Variants in EDIL3 observed in about 807,000 individuals in gnomAD.
EDIL3 encodes EGF-like repeat and discoidin I-like domain-containing protein 3.
In EDIL3, 37 loss-of-function variants were observed where a neutral mutation model predicts 67.4. The ratio of observed to expected loss-of-function variants is 0.55; its 90% confidence interval spans 0.42 to 0.72. The LOEUF (loss-of-function observed/expected upper bound fraction) is 0.72. Among genes scored for constraint, EDIL3 ranks in the 30% least tolerant of loss-of-function variants. EDIL3 has a pLI of 0.00. For synonymous variants in EDIL3, 195 were observed against 196.3 expected, an observed-to-expected ratio of 0.99 and a Z score of 0.05; for missense variants, 527 against 586.3, an observed-to-expected ratio of 0.90 and a Z score of 1.04.
At chr5:84,136,433 A>G (rs891285457) in intron 5 of EDIL3, among the ~76,000 whole-genome samples, 4 of 152,144 alleles carry the variant, frequency 2.6e-5, no homozygotes, top group African/African-American at 9.7e-5. Context: ...TTTAGGCCCC[A>G]TCCCATTGAC....
chr5:84,332,857 G>A (rs1374345947), intron 1 of EDIL3, among the ~76,000 whole-genome samples: 1 of 152,108 alleles, frequency 6.6e-6, no homozygotes, highest in Non-Finnish European at 1.5e-5. Flanking sequence ...ATCATAATAG[G>A]TCCCCACTTG....
intron 9 of EDIL3, among the ~76,000 whole-genome samples, chr5:83,971,197 A>T (rs1744785137): frequency 6.6e-6 from 1 of 150,822 alleles, no homozygotes; most frequent in Admixed American, 6.6e-5. Context: ...AAAATATAGC[A>T]CCTCTCTTAT....
At chr5:84,058,721 A>G (rs1746491270) in intron 9 of EDIL3, among the ~76,000 whole-genome samples, 1 of 152,184 alleles carries the variant, frequency 6.6e-6, no homozygotes, top group African/African-American at 2.4e-5. Context: ...TAAGTCAGAT[A>G]ACAGGAATAT....
intron 9 of EDIL3, among the ~76,000 whole-genome samples, chr5:83,998,010 A>C (rs1301255410): frequency 2.6e-5 from 4 of 152,130 alleles, no homozygotes; most frequent in African/African-American, 9.7e-5. Context: ...CCAACACTGC[A>C]AGCTAAAGTA....
At chr5:84,169,452 T>C (rs920244248) in intron 4 of EDIL3, among the ~76,000 whole-genome samples, 1 of 151,996 alleles carries the variant, frequency 6.6e-6, no homozygotes, top group African/African-American at 2.4e-5. Context: ...TTTTATCACA[T>C]ATGTAGGTTT....
At chr5:84,274,843 C>A (rs1386414437) in intron 1 of EDIL3, among the ~76,000 whole-genome samples, 1 of 151,786 alleles carries the variant, frequency 6.6e-6, no homozygotes, top group Non-Finnish European at 1.5e-5. Context: ...CAGTAGTAAT[C>A]AGAGAGGTAA....
At chr5:83,951,327 T>C (rs1013804773) in intron 10 of EDIL3, among the ~76,000 whole-genome samples, 1 of 151,826 alleles carries the variant, frequency 6.6e-6, no homozygotes, top group African/African-American at 2.4e-5. Flanking sequence ...AAGTAGATTT[T>C]TGGCTTCAAG....
intron 1 of EDIL3, among the ~76,000 whole-genome samples, chr5:84,338,514 A>C (rs1379502679): frequency 6.6e-6 from 1 of 152,142 alleles, no homozygotes; most frequent in Non-Finnish European, 1.5e-5. Flanking sequence ...TTTTGCTATC[A>C]GAGTGTGCTT....
chr5:84,136,633 C>T (rs189974010), intron 5 of EDIL3, among the ~76,000 whole-genome samples: 24 of 152,270 alleles, frequency 1.6e-4, no homozygotes, highest in Admixed American at 3.3e-4. Context: ...GCGTGTGGGA[C>T]GGCCCAAATG....
chr5:84,247,196 T>A (rs1038087165), intron 2 of EDIL3, among the ~76,000 whole-genome samples: 4 of 152,092 alleles, frequency 2.6e-5, no homozygotes, highest in African/African-American at 9.7e-5. Flanking sequence ...TAAGAAGTAA[T>A]CTTAAGTAGA....
intron 4 of EDIL3, among the ~76,000 whole-genome samples, chr5:84,168,598 A>G (rs771459994): frequency 2.0e-5 from 3 of 152,202 alleles, no homozygotes; most frequent in Non-Finnish European, 2.9e-5. Flanking sequence ...AAAGTGAGGT[A>G]AAAAGAGAAA....
chr5:83,959,675 A>G (rs1292454258), intron 10 of EDIL3, among the ~76,000 whole-genome samples: 2 of 150,980 alleles, frequency 1.3e-5, no homozygotes, highest in African/African-American at 4.8e-5. Flanking sequence ...AAACAAGACA[A>G]AAATAATGTT....
At chr5:84,376,928 A>G (rs1303924050) in intron 1 of EDIL3, among the ~76,000 whole-genome samples, 1 of 152,260 alleles carries the variant, frequency 6.6e-6, no homozygotes, top group African/African-American at 2.4e-5. Flanking sequence ...CAGAAAAGTT[A>G]GCGTTTATAA....
chr5:84,064,468 C>G (rs1746598215), intron 8 of EDIL3, among the ~76,000 whole-genome samples: 2 of 152,106 alleles, frequency 1.3e-5, no homozygotes, highest in South Asian at 2.1e-4. Context: ...TCTTTGACCA[C>G]TCAACAAAAC....
chr5:84,080,115 C>CAAAAAAAAAAAAAAAAA (rs10566347), intron 6 of EDIL3, among the ~76,000 whole-genome samples: 2 of 52,954 alleles, frequency 3.8e-5, no homozygotes, highest in Non-Finnish European at 6.8e-5. Context: ...ACTAAAAATA[C>CAAAAAAAAAAAAAAAAA]AAAAAAAAAA....
chr5:84,234,471 C>T (rs1694727146), intron 2 of EDIL3, among the ~76,000 whole-genome samples: 1 of 152,180 alleles, frequency 6.6e-6, no homozygotes, highest in Non-Finnish European at 1.5e-5. Flanking sequence ...TACCCTGATA[C>T]AACACGATAC....
intron 6 of EDIL3, among the ~76,000 whole-genome samples, chr5:84,073,229 C>T (rs1207828862): frequency 6.6e-6 from 1 of 152,158 alleles, no homozygotes; most frequent in African/African-American, 2.4e-5. Flanking sequence ...GACAAACCCA[C>T]AGCCAATATC....
At position 84,331,094 on chromosome 5, in the gene EDIL3, G is replaced by A. The variant is rs111838214; in HGVS notation, c.67+53214C>T. Among the ~76,000 whole-genome samples, 366 of 152,296 alleles carry A rather than the reference G, an allele frequency of 2.4e-3. 2 individuals are homozygous for A. The highest frequency in any genetic ancestry group is 8.3e-3 in the African/African-American group (347 of 41,568). ...CCAATTTCTCCTATTTGAAATGGGC[G>A]TATTTACCAAATGCCTGTGCCCCCA... is the stretch of plus-strand genomic sequence containing the variant. On this transcript the variant is annotated intron_variant, in intron 1 of 10. Transcript: ENST00000296591.
rs1476556549 is a variant in EDIL3 at position 83,942,540 on chromosome 5, A to G, written c.*879T>C. On this transcript the variant is annotated 3_prime_UTR_variant, in exon 11 of 11. Transcript: ENST00000296591. ...CATCTAAATGAAGATTTAAATTTAA[A>G]GAGACATATATATTTTTTGTTCTTT... The G allele has an allele frequency of 6.6e-6, 1 of 152,084 alleles. No individual in the cohort carries two copies. The highest frequency in any genetic ancestry group is 2.4e-5 in the African/African-American group (1 of 41,458). The allele number at this position is 152,084 out of a possible 1,614,324, so 9.4% of individuals were successfully genotyped here.
Sources: allele counts gnomAD v4.1 joint callset (sites outside exome capture counted in the v4.1 genomes callset), GRCh38; gene constraint gnomAD v4.1.1; transcripts MANE v1.5; gene names NCBI Gene and HGNC (gene_info 2026-07-23, HGNC 2026-07-21).